LAPTM4B: variants seen among roughly 807,000 people sequenced by gnomAD.
The protein encoded by LAPTM4B is lysosomal-associated transmembrane protein 4B.
In LAPTM4B, 26 loss-of-function variants were observed where a neutral mutation model predicts 28.5. That is an observed-to-expected ratio of 0.91 (90% CI 0.67 to 1.27). The LOEUF (loss-of-function observed/expected upper bound fraction) is 1.27. Among genes scored for constraint, LAPTM4B ranks in the 50% most tolerant of loss-of-function variants. LAPTM4B has a pLI of 0.00. For synonymous variants in LAPTM4B, 109 were observed against 106.4 expected (o/e 1.02, Z -0.15); for missense variants, 288 against 285.8 (o/e 1.01, Z -0.06).
intron 5 of LAPTM4B, among the ~76,000 whole-genome samples, chr8:97,823,035 G>T (rs775957539): frequency 6.6e-6 from 1 of 152,024 alleles, no homozygotes; most frequent in Non-Finnish European, 1.5e-5. Flanking sequence ...TAGAGACAGG[G>T]TTTCATCGCG....
chr8:97,776,572 T>G (rs1239265477), intron 1 of LAPTM4B, among the ~76,000 whole-genome samples: 1 of 152,210 alleles, frequency 6.6e-6, no homozygotes, highest in Non-Finnish European at 1.5e-5. Context: ...TGCGGATTTG[T>G]CAATGCTCGT....
rs115139176 is a variant in LAPTM4B at position 97,833,937 on chromosome 8, G to A, written c.603+8784G>A. ...GTATTTGTGACATGGATAAATATACGTGGTTTTGTTCTCTTTGTCAGTTTT... is the reference window on the plus strand; with the variant it reads ...GTATTTGTGACATGGATAAATATACATGGTTTTGTTCTCTTTGTCAGTTTT... On this transcript the variant is annotated intron_variant, in intron 6 of 6. Transcript: ENST00000521545. 2.7e-3 allele frequency among the ~76,000 whole-genome samples: 408 copies of A among 152,066 alleles called. 1 individual carries two copies. Among genetic ancestry groups the A allele is most frequent in the African/African-American group, 9.2e-3 (381 of 41,488 alleles).
chr8:97,809,108 A>G (rs889454185), intron 2 of LAPTM4B, among the ~76,000 whole-genome samples: 16 of 152,362 alleles, frequency 1.1e-4, no homozygotes, highest in African/African-American at 3.6e-4. Flanking sequence ...AGTACCAGCA[A>G]GCCTTTCAGG....
At chr8:97,847,220 G>T (rs963929466) in intron 6 of LAPTM4B, among the ~76,000 whole-genome samples, 1 of 152,296 alleles carries the variant, frequency 6.6e-6, no homozygotes, top group South Asian at 2.1e-4. Context: ...CAGCCATTCC[G>T]TAGCTGAACT....
intron 1 of LAPTM4B, among the ~76,000 whole-genome samples, chr8:97,784,993 G>C (rs1816378686): frequency 6.6e-6 from 1 of 152,136 alleles, no homozygotes; most frequent in African/African-American, 2.4e-5. Flanking sequence ...TTAAAGTACA[G>C]GTTTCCCCTC....
At chr8:97,781,764 A>G (rs931330757) in intron 1 of LAPTM4B, among the ~76,000 whole-genome samples, 1 of 152,082 alleles carries the variant, frequency 6.6e-6, no homozygotes, top group Admixed American at 6.5e-5. Flanking sequence ...TGCTGTGTGT[A>G]CCCTTCTGTA....
At position 97,830,379 on chromosome 8, in the gene LAPTM4B, T is replaced by C. The variant is rs139993587; in HGVS notation, c.603+5226T>C. 2.6e-5 allele frequency among the ~76,000 whole-genome samples: 4 copies of C among 152,112 alleles called. No homozygotes were observed. The East Asian group carries it at 7.8e-4, about 29-fold the overall frequency. ...TAGGAGAGAGTTAAGGGTGGCACCTTGAGGGTGAGACCAGGAGATGTCAGT... is the reference window on the plus strand; with the variant it reads ...TAGGAGAGAGTTAAGGGTGGCACCTCGAGGGTGAGACCAGGAGATGTCAGT... On this transcript the variant is annotated intron_variant, in intron 6 of 6. Coordinates refer to ENST00000521545, the MANE Select transcript of LAPTM4B (RefSeq NM_018407.6).
intron 4 of LAPTM4B, 134 bp downstream of exon 4, chr8:97,816,314 T>TTA: frequency 3.6e-6 from 3 of 843,460 alleles, no homozygotes; most frequent in Non-Finnish European, 5.3e-6. Flanking sequence ...CATAGGAAAT[T>TTA]TCTTTTTTCT....
At chr8:97,804,792 ACTGGCCTGGCCTGGC>A (rs370311995) in intron 1 of LAPTM4B, among the ~76,000 whole-genome samples, 16 of 152,030 alleles carry the variant, frequency 1.1e-4, no homozygotes, top group East Asian at 9.7e-4. Flanking sequence ...AGACAGGACT[ACTGGCCTGGCCTGGC>A]CTGGCCTGGC....
chr8:97,843,206 A>G (rs1181240044), intron 6 of LAPTM4B, among the ~76,000 whole-genome samples: 1 of 152,204 alleles, frequency 6.6e-6, no homozygotes, highest in African/African-American at 2.4e-5. Context: ...ATTAAAATTT[A>G]CATTTGGCCG....
At chr8:97,817,286 C>T (rs926088696) in intron 4 of LAPTM4B, among the ~76,000 whole-genome samples, 1 of 151,910 alleles carries the variant, frequency 6.6e-6, no homozygotes, top group Admixed American at 6.6e-5. Flanking sequence ...CATGCACCAC[C>T]ATGCCCACCT....
intron 4 of LAPTM4B, among the ~76,000 whole-genome samples, chr8:97,817,338 A>G (rs913451304): frequency 6.6e-6 from 1 of 151,400 alleles, no homozygotes; most frequent in African/African-American, 2.4e-5. Context: ...GGGTTTCACC[A>G]TGTTGCCCAG....
intron 2 of LAPTM4B, among the ~76,000 whole-genome samples, chr8:97,808,676 G>A (rs560856081): frequency 6.6e-6 from 1 of 152,290 alleles, no homozygotes; most frequent in African/African-American, 2.4e-5. Context: ...TACAGACTGG[G>A]TGCGGTGGCT....
intron 2 of LAPTM4B, among the ~76,000 whole-genome samples, chr8:97,808,378 G>C (rs920809798): frequency 6.6e-6 from 1 of 151,680 alleles, no homozygotes; most frequent in Non-Finnish European, 1.5e-5. Flanking sequence ...ACCTGGGAGG[G>C]GGGAGTTTGC....
At chr8:97,789,869 ACTACCCTTCCCAGCCTCTGGTAAC>A (rs1304371074) in intron 1 of LAPTM4B, among the ~76,000 whole-genome samples, 1 of 151,842 alleles carries the variant, frequency 6.6e-6, no homozygotes, top group African/African-American at 2.4e-5. Flanking sequence ...GTCACTCCCC[ACTACCCTTCCCAGCCTCTGGTAAC>A]CATCCTTCTA....
At chr8:97,820,866 C>G (rs1264450685) in intron 5 of LAPTM4B, among the ~76,000 whole-genome samples, 1 of 151,810 alleles carries the variant, frequency 6.6e-6, no homozygotes, top group East Asian at 2.0e-4. Flanking sequence ...GTAGCTGGGA[C>G]TACAGGCGCC....
chr8:97,851,106 G>A (rs1280970452), intron 6 of LAPTM4B, among the ~76,000 whole-genome samples: 1 of 151,966 alleles, frequency 6.6e-6, no homozygotes, highest in Non-Finnish European at 1.5e-5. Context: ...CTCACCTAGG[G>A]GTCTTTTTTC....
chr8:97,823,982 G>A (rs904175280), intron 5 of LAPTM4B, among the ~76,000 whole-genome samples: 1 of 152,168 alleles, frequency 6.6e-6, no homozygotes, highest in East Asian at 1.9e-4. Context: ...TTACAGACGT[G>A]AGCCACCTTG....
chr8:97,781,089 A>G (rs1189286822), intron 1 of LAPTM4B, among the ~76,000 whole-genome samples: 1 of 151,658 alleles, frequency 6.6e-6, no homozygotes, highest in African/African-American at 2.4e-5. Context: ...TCCTGGGTTC[A>G]AGCGATTCTC....
Sources: gnomAD v4.1 joint callset for allele counts (sites outside exome capture counted in the v4.1 genomes callset) on GRCh38, gnomAD v4.1.1 for gene constraint, MANE v1.5 for transcripts, NCBI Gene and HGNC (gene_info 2026-07-23, HGNC 2026-07-21) for gene names.